PIGN: variants seen among roughly 807,000 people sequenced by gnomAD.
PIGN encodes phosphatidylinositol glycan anchor biosynthesis class N.
In PIGN, 117 loss-of-function variants were observed where a neutral mutation model predicts 125.4. The ratio of observed to expected loss-of-function variants is 0.93; its 90% CI spans 0.80 to 1.09. The LOEUF (loss-of-function observed/expected upper bound fraction) is 1.09. PIGN is among the 50% of genes least tolerant of loss of function. PIGN has a pLI of 0.00. For synonymous variants in PIGN, 392 were observed against 377.8 expected (o/e 1.04, Z -0.44); for missense variants, 1,075 against 1,094.9 (o/e 0.98, Z 0.26).
intron 23 of PIGN, among the ~76,000 whole-genome samples, chr18:62,027,374 A>G (rs2030136232): frequency 6.6e-6 from 1 of 152,196 alleles, no homozygotes; most frequent in Non-Finnish European, 1.5e-5. Context: ...CAGCCTCAGG[A>G]GGTCCTGACG....
At chr18:62,143,162 G>A (rs1184774835) in intron 11 of PIGN, 144 bp downstream of exon 11, 1 of 562,868 alleles carries the variant, frequency 1.8e-6, no homozygotes, top group Non-Finnish European at 3.2e-6. Flanking sequence ...TAAAATATTT[G>A]CACTAAAAGA....
chr18:62,030,645 A>G lies in PIGN; in HGVS notation c.2143-12904T>C, dbSNP rs144177978. ...TATGTGCTGATATTTTTATCTTCACATTGTGCTGATATTTTTATATTCACA... is the reference window on the plus strand; with the variant it reads ...TATGTGCTGATATTTTTATCTTCACGTTGTGCTGATATTTTTATATTCACA... On this transcript the variant is annotated intron_variant, in intron 23 of 24. Transcript: ENST00000639600. Among the ~76,000 whole-genome samples, 580 of 152,336 alleles carry G rather than the reference A, an allele frequency of 3.8e-3. 2 individuals are homozygous for G. Among genetic ancestry groups the G allele is most frequent in the African/African-American group, 0.013 (554 of 41,568 alleles).
chr18:62,117,125 C>T (rs73964844), intron 14 of PIGN, among the ~76,000 whole-genome samples: 123 of 152,180 alleles, frequency 8.1e-4, no homozygotes, highest in African/African-American at 2.4e-3. Flanking sequence ...ATCTGGAATT[C>T]ACCAAATGTT....
In PIGN at chr18:62,089,952, A is replaced by C. The variant is rs2033881117; in HGVS notation, c.2283+524T>G. ...AATTGGTTGGATTTTAGCCAACTCA[A>C]AGTATTATGTGTTGCATACACAATC... On this transcript the variant is annotated intron_variant, in intron 24 of 30. Transcript: ENST00000640252. Among the ~76,000 whole-genome samples, 3 of 152,182 alleles carry C rather than the reference A, an allele frequency of 2.0e-5. No homozygotes were observed. In the South Asian group the frequency reaches 6.2e-4, roughly 31 times the overall value.
intron 25 of PIGN, 30 bp downstream of exon 25, chr18:62,088,726 T>C: frequency 7.9e-7 from 1 of 1,270,946 alleles, no homozygotes. Context: ...GAGTTGCAGC[T>C]CTTTAAACCA....
At chr18:62,167,253 C>T (rs957800746) in intron 1 of PIGN, among the ~76,000 whole-genome samples, 1 of 128,444 alleles carries the variant, frequency 7.8e-6, no homozygotes, top group African/African-American at 2.7e-5. Flanking sequence ...TATACACACA[C>T]ATATATATAG....
chr18:62,065,794 T>C (rs2032485169), intron 30 of PIGN, among the ~76,000 whole-genome samples: 1 of 152,098 alleles, frequency 6.6e-6, no homozygotes, highest in South Asian at 2.1e-4. Flanking sequence ...TAAGTGGTTG[T>C]TGAATGAAAG....
intron 23 of PIGN, 125 bp downstream of exon 23, chr18:62,095,723 T>A (rs2034151594): frequency 1.3e-5 from 8 of 612,106 alleles, no homozygotes; most frequent in Non-Finnish European, 2.4e-5. Context: ...AGAAAATATT[T>A]ATAATGTATC....
chr18:62,167,761 T>C (rs2037205896), intron 1 of PIGN, among the ~76,000 whole-genome samples: 1 of 152,090 alleles, frequency 6.6e-6, no homozygotes, highest in African/African-American at 2.4e-5. Context: ...GTAGATAATA[T>C]ATTATGAAAT....
chr18:62,043,911 G>C lies in PIGN; in HGVS notation c.*1945C>G, dbSNP rs2030479555. On this transcript the variant is annotated 3_prime_UTR_variant, in exon 31 of 31. Transcript: ENST00000640252. Reference sequence around the variant, plus strand: ...AATGAAAAAATAAATACCTTAAATAGAAATACTTTTTCCCTAACTCGTTTC... The same window carrying C: ...AATGAAAAAATAAATACCTTAAATACAAATACTTTTTCCCTAACTCGTTTC... The C allele has an allele frequency of 6.6e-6, 1 of 152,152 alleles. No individual in the cohort carries two copies. Among genetic ancestry groups the C allele is most frequent in the African/African-American group, 2.4e-5 (1 of 41,438 alleles). The allele number at this position is 152,152 out of a possible 1,614,324, so 9.4% of individuals were successfully genotyped here.
In PIGN at chr18:62,157,208, T is replaced by C. The variant is rs1292887111; in HGVS notation, c.363A>G (p.Val121=). 6.2e-7 allele frequency: 1 copy of C among 1,604,232 alleles called. No individual in the cohort carries two copies. The highest frequency in any genetic ancestry group is 8.5e-7 in the Non-Finnish European group (1 of 1,173,158). Residue 121 remains valine (V), a synonymous_variant, in exon 6 of 31, where the codon GTA becomes GTG. Coordinates refer to ENST00000640252, the MANE Select transcript of PIGN (RefSeq NM_176787.5). ...AVAKGWKENP[V]EFDSLFNESK... is the part of the protein sequence containing the mutation. ...TTTCATTAAAAAGAGAATCAAACTC[T>C]ACAGGATTTTCCTTCCATCCTTCAG...
In PIGN at chr18:62,041,701, G is replaced by GTA. The variant is rs2044013222; in HGVS notation, c.*4154_*4155insTA. ...TGTGTGTGTGTGTGTGTGTGTGTGT[G>GTA]TGTGTTTAGTAGAGATGGGGTTTTG... On this transcript the variant is annotated 3_prime_UTR_variant, in exon 31 of 31. Transcript: ENST00000640252. 2 of 145,244 alleles carry GTA rather than the reference G, an allele frequency of 1.4e-5. No homozygotes were observed. Among genetic ancestry groups the GTA allele is most frequent in the Admixed American group, 7.1e-5 (1 of 14,146 alleles). The allele number at this position is 145,244 out of a possible 1,614,324, so 9.0% of individuals were successfully genotyped here. A position where few individuals can be genotyped will look rare whatever the true frequency, so the allele number is the denominator to read the frequency against.
chr18:62,139,703 A>G (rs1165425289), intron 12 of PIGN, among the ~76,000 whole-genome samples: 1 of 152,214 alleles, frequency 6.6e-6, no homozygotes, highest in Middle Eastern at 3.2e-3. Context: ...TGTTAGGTTT[A>G]TAATCCAGGG....
intron 14 of PIGN, among the ~76,000 whole-genome samples, chr18:62,131,014 T>A (rs2035715809): frequency 6.6e-6 from 1 of 152,144 alleles, no homozygotes; most frequent in African/African-American, 2.4e-5. Context: ...TTTTTAAAGA[T>A]AAATTTCAGT....
chr18:62,110,130 A>G, intron 16 of PIGN, 157 bp from the exon 17 acceptor site: 2 of 626,706 alleles, frequency 3.2e-6, no homozygotes, highest in Non-Finnish European at 2.6e-6. Flanking sequence ...AAGGAAAAAA[A>G]TCTATTATTT....
At chr18:62,177,568 T>A (rs1037872487) in intron 1 of PIGN, among the ~76,000 whole-genome samples, 1 of 152,192 alleles carries the variant, frequency 6.6e-6, no homozygotes, top group African/African-American at 2.4e-5. Flanking sequence ...GAATATGCCA[T>A]CCTTTCCTGA....
At chr18:62,153,164 T>C (rs1304112925) in intron 7 of PIGN, among the ~76,000 whole-genome samples, 2 of 152,208 alleles carry the variant, frequency 1.3e-5, no homozygotes, top group African/African-American at 4.8e-5. Context: ...TCCATTTCTT[T>C]GTCTCCTGTA....
At position 62,146,605 on chromosome 18, in the gene PIGN, G is replaced by A. The variant is rs150680739; in HGVS notation, c.805+366C>T. Among the ~76,000 whole-genome samples, 164 of 152,244 alleles carry A rather than the reference G, an allele frequency of 1.1e-3. 2 individuals are homozygous for A. In the East Asian group the frequency reaches 0.019, roughly 18 times the overall value. ...ATTTGCCTTGGGAATCTCACAGGGC[G>A]CACAGGCTTACCCGGGACAGAATTT... On this transcript the variant is annotated intron_variant, in intron 9 of 30. Transcript: ENST00000640252.
chr18:62,144,194 C>G (rs1213272689), intron 10 of PIGN, among the ~76,000 whole-genome samples: 1 of 152,146 alleles, frequency 6.6e-6, no homozygotes, highest in East Asian at 1.9e-4. Flanking sequence ...AACGTCAATT[C>G]AACATGAAAT....
Sources: allele counts gnomAD v4.1 joint callset (sites outside exome capture counted in the v4.1 genomes callset), GRCh38; gene constraint gnomAD v4.1.1; transcripts MANE v1.5; gene names NCBI Gene and HGNC (gene_info 2026-07-23, HGNC 2026-07-21).